Variants in ANKH observed in about 807,000 individuals in gnomAD.
The protein encoded by ANKH is ANKH inorganic pyrophosphate transport regulator.
A neutral mutation model predicts 49.0 loss-of-function variants in ANKH; 15 were observed. That is an observed-to-expected ratio of 0.31 (90% CI 0.20 to 0.47). The LOEUF (loss-of-function observed/expected upper bound fraction) is 0.47. Among genes scored for constraint, ANKH ranks in the 20% least tolerant of loss-of-function variants. The pLI is 1.00. For missense variants in ANKH, 429 were observed against 652.0 expected (o/e 0.66, Z 3.72); for synonymous variants, 273 against 260.0 (o/e 1.05, Z -0.48).
chr5:14,764,675 C>G (rs1203629622), intron 2 of ANKH, among the ~76,000 whole-genome samples: 1 of 152,258 alleles, frequency 6.6e-6, no homozygotes, highest in East Asian at 1.9e-4. Context: ...TGTTCGCTCC[C>G]AGCACCCTCG....
rs991604477 is a variant in ANKH at position 14,707,785 on chromosome 5, A to G, written c.*3412T>C. The stretch of plus-strand genomic sequence containing the variant: ...CCAATATTAAATGTTTCAGTTTCTT[A>G]GGGAATCGGCTATCCAGGACATTTC... On this transcript the variant is annotated 3_prime_UTR_variant, in exon 12 of 12. Transcript: ENST00000284268. 1.3e-5 allele frequency: 2 copies of G among 152,202 alleles called. No individual in the cohort carries two copies. Among genetic ancestry groups the G allele is most frequent in the African/African-American group, 4.8e-5 (2 of 41,452 alleles). The allele number at this position is 152,202 out of a possible 1,614,324, so 9.4% of individuals were successfully genotyped here. A position where few individuals can be genotyped will look rare whatever the true frequency, so the allele number is the denominator to read the frequency against.
chr5:14,764,986 A>C (rs923000940), intron 2 of ANKH, among the ~76,000 whole-genome samples: 6 of 152,228 alleles, frequency 3.9e-5, no homozygotes, highest in Non-Finnish European at 7.3e-5. Flanking sequence ...GAGGTTAGGC[A>C]ATACTAATTT....
At chr5:14,867,795 A>G (rs1265257590) in intron 1 of ANKH, among the ~76,000 whole-genome samples, 2 of 152,064 alleles carry the variant, frequency 1.3e-5, no homozygotes, top group African/African-American at 4.8e-5. Flanking sequence ...TCCTGACCTC[A>G]TGATCCACCC....
chr5:14,711,266 A>G lies in ANKH; in HGVS notation c.1410T>C (p.Ser470=), dbSNP rs2126393655. 4 of 1,614,078 alleles carry G rather than the reference A, an allele frequency of 2.5e-6. No homozygotes were observed. The highest frequency in any genetic ancestry group is 3.4e-6 in the Non-Finnish European group (4 of 1,179,994). ...ENESATEGED[S]AMTDMPPTEE... ...CTGTCGGAGGCATGTCTGTCATGGC[A>G]GAGTCTTCCCCCTCCGTGGCCGACT... The change falls in exon 12 of 12, where the codon TCT becomes TCC. Residue 470 remains serine, a synonymous_variant. Transcript: ENST00000284268.
intron 1 of ANKH, among the ~76,000 whole-genome samples, chr5:14,771,470 C>T (rs1056769396): frequency 2.0e-5 from 3 of 152,226 alleles, no homozygotes; most frequent in African/African-American, 7.2e-5. Flanking sequence ...CACCGCTGGA[C>T]TTCCCTGTAT....
intron 4 of ANKH, among the ~76,000 whole-genome samples, chr5:14,753,380 T>C (rs994371958): frequency 1.3e-5 from 2 of 152,232 alleles, no homozygotes; most frequent in East Asian, 1.9e-4. Context: ...TGGAGGAAGA[T>C]GTGTAACATA....
chr5:14,758,635 G>A, intron 2 of ANKH, 37 bp from the exon 3 acceptor site: 1 of 1,333,414 alleles, frequency 7.5e-7, no homozygotes, highest in Non-Finnish European at 1.1e-6. Flanking sequence ...GAAATATTTA[G>A]AAAAGGATAT....
intron 8 of ANKH, among the ~76,000 whole-genome samples, chr5:14,721,164 A>G (rs1432059357): frequency 6.6e-6 from 1 of 152,230 alleles, no homozygotes; most frequent in African/African-American, 2.4e-5. Context: ...CACGAAGTTA[A>G]GTAAGGTTTG....
chr5:14,786,736 A>G (rs1739988578), intron 1 of ANKH, among the ~76,000 whole-genome samples: 1 of 152,286 alleles, frequency 6.6e-6, no homozygotes, highest in Non-Finnish European at 1.5e-5. Flanking sequence ...GTAAGCTGCT[A>G]TAATTGTGTG....
At chr5:14,823,212 A>G (rs1741245684) in intron 1 of ANKH, among the ~76,000 whole-genome samples, 1 of 152,214 alleles carries the variant, frequency 6.6e-6, no homozygotes, top group Non-Finnish European at 1.5e-5. Context: ...TAACAGTTCC[A>G]TGAGTAGTCA....
intron 1 of ANKH, among the ~76,000 whole-genome samples, chr5:14,792,428 G>A (rs557296266): frequency 6.6e-6 from 1 of 152,258 alleles, no homozygotes; most frequent in African/African-American, 2.4e-5. Flanking sequence ...GGACAGGAGG[G>A]TGAAAGCCAA....
chr5:14,850,272 G>A (rs748393353), intron 1 of ANKH, among the ~76,000 whole-genome samples: 24 of 152,164 alleles, frequency 1.6e-4, no homozygotes, highest in Non-Finnish European at 3.2e-4. Context: ...GCACATTCAC[G>A]CATTGTGGTC....
At chr5:14,832,353 G>A (rs529219544) in intron 1 of ANKH, among the ~76,000 whole-genome samples, 6 of 152,242 alleles carry the variant, frequency 3.9e-5, no homozygotes, top group South Asian at 4.1e-4. Context: ...CCACCACTGC[G>A]ATTTTTTATA....
chr5:14,826,810 T>C (rs1343785366), intron 1 of ANKH, among the ~76,000 whole-genome samples: 8 of 152,178 alleles, frequency 5.3e-5, no homozygotes, highest in Admixed American at 5.2e-4. Context: ...AAACCATCGA[T>C]TTGCTCTCCA....
chr5:14,824,269 A>C (rs1014696269), intron 1 of ANKH, among the ~76,000 whole-genome samples: 1 of 152,190 alleles, frequency 6.6e-6, no homozygotes, highest in East Asian at 1.9e-4. Context: ...AATCAAGCAG[A>C]TCTAGCCTAG....
rs1285405656 is a variant in ANKH at position 14,704,893 on chromosome 5, A to C, written c.*6304T>G. ...TATGAATACAAATCCATAAACCCTGAAACAAAGCATATATAAATGCTCTTA... is the reference window on the plus strand; with the variant it reads ...TATGAATACAAATCCATAAACCCTGCAACAAAGCATATATAAATGCTCTTA... On this transcript the variant is annotated 3_prime_UTR_variant, in exon 12 of 12. Transcript: ENST00000284268. The C allele has an allele frequency of 6.6e-6, 1 of 152,246 alleles. No individual in the cohort carries two copies. Among genetic ancestry groups the C allele is most frequent in the African/African-American group, 2.4e-5 (1 of 41,466 alleles). The allele number at this position is 152,246 out of a possible 1,614,324, so 9.4% of individuals were successfully genotyped here.
At position 14,861,991 on chromosome 5, in the gene ANKH, T is replaced by G. The variant is rs149773110; in HGVS notation, c.96+9361A>C. 5.8e-3 allele frequency among the ~76,000 whole-genome samples: 888 copies of G among 152,352 alleles called. 1 individual carries two copies. Among genetic ancestry groups the G allele is most frequent in the African/African-American group, 0.019 (805 of 41,594 alleles). ...TAGCTCACACCTGTAATCCCAGCACTTTGGGAGGCCAAGGCAGGTGGATCA... is the reference window on the plus strand; with the variant it reads ...TAGCTCACACCTGTAATCCCAGCACGTTGGGAGGCCAAGGCAGGTGGATCA... On this transcript the variant is annotated intron_variant, in intron 1 of 11. Coordinates refer to ENST00000284268, the MANE Select transcript of ANKH (RefSeq NM_054027.6).
Position 14,737,130 on chromosome 5 carries a change from T to C in ANKH, c.1011+4697A>G, listed in dbSNP as rs147995431. 0.01 allele frequency among the ~76,000 whole-genome samples: 1,565 copies of C among 152,358 alleles called. 28 individuals are homozygous for C. The highest frequency in any genetic ancestry group is 0.035 in the African/African-American group (1,469 of 41,594). Reference sequence around the variant, plus strand: ...TTTAAAAAGTCATGTTTTGGGTAAATTGGCAAATTTGGTAAACTTAGCAGC... The same window carrying C: ...TTTAAAAAGTCATGTTTTGGGTAAACTGGCAAATTTGGTAAACTTAGCAGC... On this transcript the variant is annotated intron_variant, in intron 8 of 11. Transcript: ENST00000284268. The surrounding 1 kb of genome is among the most constrained non-coding windows in gnomAD (Gnocchi z 5.0).
chr5:14,869,452 T>A (rs1423443130), intron 1 of ANKH: 1 of 152,234 alleles, frequency 6.6e-6, no homozygotes, highest in East Asian at 1.9e-4. Flanking sequence ...CTGGTGTTTT[T>A]GGGAAAAGGA....
Sources: gnomAD v4.1 joint callset for allele counts (sites outside exome capture counted in the v4.1 genomes callset) on GRCh38, gnomAD v4.1.1 for gene constraint, Gnocchi (gnomAD v3.1) non-coding constraint, MANE v1.5 for transcripts, NCBI Gene and HGNC (gene_info 2026-07-23, HGNC 2026-07-21) for gene names.